The following DLG2 variants were observed in gnomAD, a reference collection of about 807,000 sequenced individuals.
DLG2 encodes the protein discs large MAGUK scaffold protein 2, also known as disks large homolog 2.
A neutral mutation model predicts 132.5 loss-of-function variants in DLG2; 45 were observed. The ratio of observed to expected loss-of-function variants is 0.34; its 90% CI spans 0.27 to 0.44. DLG2 has a LOEUF of 0.44. DLG2 is among the 20% of genes least tolerant of loss of function. The pLI, the probability that DLG2 is intolerant of heterozygous loss-of-function variation, is 1.00. For synonymous variants in DLG2, 424 were observed against 419.6 expected, an observed-to-expected ratio of 1.01 and a Z score of -0.13; for missense variants, 1,045 against 1,196.9, an observed-to-expected ratio of 0.87 and a Z score of 1.87.
chr11:85,500,546 A>AAT (rs1276870531), intron 3 of DLG2, among the ~76,000 whole-genome samples: 16 of 34,654 alleles, frequency 4.6e-4, no homozygotes, highest in African/African-American at 1.3e-3. Flanking sequence ...TATAATAAAA[A>AAT]AAATAAAAAT....
At chr11:83,540,537 T>C (rs1333259137) in intron 20 of DLG2, among the ~76,000 whole-genome samples, 1 of 152,156 alleles carries the variant, frequency 6.6e-6, no homozygotes, top group South Asian at 2.1e-4. Flanking sequence ...CAGTGAGCCC[T>C]CTGCTTTCCA....
Position 83,798,102 on chromosome 11 carries a change from A to G in DLG2, c.1723-11310T>C, listed in dbSNP as rs542129317. Among the ~76,000 whole-genome samples the G allele has an allele frequency of 2.6e-5, 4 of 152,324 alleles. No individual in the cohort carries two copies. In the East Asian group the frequency reaches 7.7e-4, roughly 29 times the overall value. On this transcript the variant is annotated intron_variant, in intron 17 of 27. Coordinates refer to ENST00000376104, the MANE Select transcript of DLG2 (RefSeq NM_001142699.3). Reference sequence around the variant, plus strand: ...TGCTTAGAAGGCAGAGCAAATGCTCATGGCTGCCAAGGTTTTCCACCACAG... The same window carrying G: ...TGCTTAGAAGGCAGAGCAAATGCTCGTGGCTGCCAAGGTTTTCCACCACAG...
chr11:83,913,853 G>A (rs1236969445), intron 15 of DLG2, among the ~76,000 whole-genome samples: 8 of 152,108 alleles, frequency 5.3e-5, no homozygotes, highest in Non-Finnish European at 1.0e-4. Flanking sequence ...GATTAATCAG[G>A]TCAATGACAA....
rs373424256 is a variant in DLG2, at chr11:83,786,687, G to A, written c.1825+3C>T. 2 of 1,611,982 alleles carry A rather than the reference G, an allele frequency of 1.2e-6. No individual in the cohort carries two copies. The highest frequency in any genetic ancestry group is 1.7e-6 in the Non-Finnish European group (2 of 1,178,136). Reference sequence around the variant, plus strand: ...AACATTATTAGTTTGAGTTCTGACTGACCTTCAGGTTGATATTGTGCTATA... The same window carrying A: ...AACATTATTAGTTTGAGTTCTGACTAACCTTCAGGTTGATATTGTGCTATA... On this transcript the variant is annotated splice_donor_region_variant and intron_variant, in intron 18 of 27. Coordinates refer to ENST00000376104, the MANE Select transcript of DLG2 (RefSeq NM_001142699.3).
intron 7 of DLG2, among the ~76,000 whole-genome samples, chr11:84,426,541 T>C (rs1322471921): frequency 3.3e-5 from 5 of 152,140 alleles, no homozygotes; most frequent in Admixed American, 1.3e-4. Flanking sequence ...TTGTGAATAT[T>C]GCTAAATTAG....
chr11:84,918,404 AAGAT>A (rs1412214581), intron 6 of DLG2, among the ~76,000 whole-genome samples: 3 of 152,140 alleles, frequency 2.0e-5, no homozygotes, highest in Non-Finnish European at 1.5e-5. Flanking sequence ...CAGTTCTTCG[AAGAT>A]AGATATAGAC....
At chr11:84,526,917 T>C (rs1001693605) in intron 7 of DLG2, among the ~76,000 whole-genome samples, 8 of 151,914 alleles carry the variant, frequency 5.3e-5, no homozygotes, top group African/African-American at 1.9e-4. Context: ...TAGCTGGGAC[T>C]ACAGGCATCC....
At chr11:84,876,552 G>A (rs897905907) in intron 6 of DLG2, among the ~76,000 whole-genome samples, 1 of 151,964 alleles carries the variant, frequency 6.6e-6, no homozygotes, top group African/African-American at 2.4e-5. Flanking sequence ...TTTTTAATGT[G>A]TCTATTTGAT....
rs1452298081 is a variant in DLG2, at chr11:84,527,071, C to T, written c.519+7499G>A. On this transcript the variant is annotated intron_variant, in intron 7 of 27. Coordinates refer to ENST00000376104, the MANE Select transcript of DLG2 (RefSeq NM_001142699.3). ...GGGATTACAGGCGTGAGCCACCGCT[C>T]CCGGCCCCACTGGGGGTCTTAAAAT... 2.6e-5 allele frequency among the ~76,000 whole-genome samples: 4 copies of T among 152,202 alleles called. No homozygotes were observed. In the South Asian group the frequency reaches 6.2e-4, roughly 24 times the overall value.
chr11:83,963,722 C>A (rs1215965293), intron 13 of DLG2, among the ~76,000 whole-genome samples: 1 of 151,936 alleles, frequency 6.6e-6, no homozygotes, highest in African/African-American at 2.4e-5. Flanking sequence ...CTTGCAAGAT[C>A]AATCAATTTT....
intron 17 of DLG2, among the ~76,000 whole-genome samples, chr11:83,789,699 C>T (rs1376289142): frequency 6.6e-6 from 1 of 152,134 alleles, no homozygotes; most frequent in African/African-American, 2.4e-5. Context: ...AGGCACGTGC[C>T]ACCACGCCCA....
At chr11:83,605,762 G>C (rs998420547) in intron 19 of DLG2, among the ~76,000 whole-genome samples, 2 of 152,204 alleles carry the variant, frequency 1.3e-5, no homozygotes, top group African/African-American at 4.8e-5. Context: ...ATGGAACACA[G>C]AACAATACAT....
chr11:84,524,875 CA>C (rs1451317737), intron 7 of DLG2, among the ~76,000 whole-genome samples: 4 of 144,480 alleles, frequency 2.8e-5, no homozygotes, highest in Non-Finnish European at 6.0e-5. Context: ...TTAAATTAAT[CA>C]AATACGTATT....
chr11:84,068,836 C>T (rs747598070), intron 10 of DLG2, among the ~76,000 whole-genome samples: 3 of 152,112 alleles, frequency 2.0e-5, no homozygotes, highest in South Asian at 2.1e-4. Flanking sequence ...TAGATATTGT[C>T]GCCTTCATTC....
intron 6 of DLG2, among the ~76,000 whole-genome samples, chr11:84,970,992 A>C (rs2054022920): frequency 6.6e-6 from 1 of 152,164 alleles, no homozygotes; most frequent in African/African-American, 2.4e-5. Context: ...CTAGATTTTA[A>C]ATTACTTGGG....
intron 6 of DLG2, among the ~76,000 whole-genome samples, chr11:84,984,565 A>C (rs2056225637): frequency 6.7e-6 from 1 of 148,564 alleles, no homozygotes; most frequent in African/African-American, 2.5e-5. Context: ...ATAAAACAAA[A>C]ATACAATTGA....
intron 3 of DLG2, among the ~76,000 whole-genome samples, chr11:85,521,109 T>C (rs534795780): frequency 6.6e-6 from 1 of 152,194 alleles, no homozygotes; most frequent in Admixed American, 6.5e-5. Flanking sequence ...ATCTGCAAAC[T>C]ATCTGATGTG....
At chr11:84,452,459 T>G (rs2099054295) in intron 7 of DLG2, among the ~76,000 whole-genome samples, 1 of 151,770 alleles carries the variant, frequency 6.6e-6, no homozygotes, top group South Asian at 2.1e-4. Flanking sequence ...CTTAAAAATT[T>G]TGACTCTAGG....
chr11:85,592,100 C>T (rs2079394069), intron 3 of DLG2, among the ~76,000 whole-genome samples: 1 of 152,170 alleles, frequency 6.6e-6, no homozygotes, highest in Non-Finnish European at 1.5e-5. Context: ...TTTAGTCCTC[C>T]ACTATATGAT....
Sources: allele counts gnomAD v4.1 joint callset (sites outside exome capture counted in the v4.1 genomes callset), GRCh38; gene constraint gnomAD v4.1.1; transcripts MANE v1.5; gene names NCBI Gene and HGNC (gene_info 2026-07-23, HGNC 2026-07-21).